CPM: variants seen among roughly 807,000 people sequenced by gnomAD.
The protein encoded by CPM is carboxypeptidase M, also known as renal carboxypeptidase.
A neutral mutation model predicts 46.4 loss-of-function variants in CPM; 35 were observed. That is an observed-to-expected ratio of 0.75 (90% CI 0.58 to 1.00). The LOEUF is 1.00. Among genes scored for constraint, CPM ranks in the 50% least tolerant of loss-of-function variants. The pLI, the probability that CPM is intolerant of heterozygous loss-of-function variation, is 0.00. For synonymous variants in CPM, 195 were observed against 195.3 expected (o/e 1.00, Z 0.01); for missense variants, 422 against 530.4 (o/e 0.80, Z 2.01).
chr12:68,875,569 G>A (rs1475833600), intron 3 of CPM, among the ~76,000 whole-genome samples: 4 of 152,056 alleles, frequency 2.6e-5, no homozygotes, highest in Non-Finnish European at 5.9e-5. Context: ...ACTTTGGAAG[G>A]CTGAGGCAGG....
rs368192642 is a variant in CPM at position 68,942,530 on chromosome 12, ACT to A, written c.-3-9692_-3-9691del. On this transcript the variant is annotated intron_variant, in intron 1 of 8. Transcript: ENST00000546373. Reference sequence around the variant, plus strand: ...AGTAAACCTATTTCTGCTTTGCCCCACTCTCTGATTTTTAATTATTCATTCAT... The same window carrying A: ...AGTAAACCTATTTCTGCTTTGCCCCACTCTGATTTTTAATTATTCATTCAT... Among the ~76,000 whole-genome samples, 13 of 151,800 alleles carry A rather than the reference ACT, an allele frequency of 8.6e-5. No homozygotes were observed. In the East Asian group the frequency reaches 2.5e-3, roughly 29 times the overall value.
intron 2 of CPM, among the ~76,000 whole-genome samples, chr12:68,904,282 G>A (rs148786532): frequency 1.6e-4 from 24 of 152,300 alleles, no homozygotes; most frequent in African/African-American, 5.5e-4. Context: ...AGACACTCTT[G>A]ACTATAACAG....
At chr12:68,880,811 G>GTTATT (rs539655890) in intron 3 of CPM, among the ~76,000 whole-genome samples, 129 of 152,306 alleles carry the variant, frequency 8.5e-4, no homozygotes, top group African/African-American at 3.0e-3. Flanking sequence ...GTTAGCTATT[G>GTTATT]TTATTATTTT....
At chr12:68,873,573 G>C (rs952206560) in intron 3 of CPM, among the ~76,000 whole-genome samples, 1 of 151,546 alleles carries the variant, frequency 6.6e-6, no homozygotes. Flanking sequence ...GCTGAGGTAG[G>C]AGGATCGCTT....
chr12:68,938,798 ATG>A (rs1888711478), intron 1 of CPM, among the ~76,000 whole-genome samples: 2 of 151,340 alleles, frequency 1.3e-5, no homozygotes, highest in South Asian at 4.2e-4. Flanking sequence ...ATGAGAAAAT[ATG>A]TGTGTATACA....
chr12:68,908,406 T>G (rs896686978), intron 2 of CPM, among the ~76,000 whole-genome samples: 9 of 151,852 alleles, frequency 5.9e-5, no homozygotes, highest in Non-Finnish European at 1.2e-4. Context: ...CTTTTTTTTT[T>G]TTTTTCTCAT....
Position 68,867,056 on chromosome 12 carries a change from C to T in CPM, c.788-8G>A. On this transcript the variant is annotated splice_polypyrimidine_tract_variant and splice_region_variant and intron_variant, in intron 6 of 8. Coordinates refer to ENST00000551568, the MANE Select transcript of CPM (RefSeq NM_198320.5). ...TGTAATCTTGCATTCCACCTAAACA[C>T]AAGCATATTTAATTTTTGTTAGGGT... is the stretch of plus-strand genomic sequence containing the variant. The T allele has an allele frequency of 6.2e-7, 1 of 1,613,390 alleles. No homozygotes were observed. The highest frequency in any genetic ancestry group is 2.2e-5 in the East Asian group (1 of 44,868).
chr12:68,850,852 T>C (rs1360824192), downstream of CPM, among the ~76,000 whole-genome samples: 1 of 152,176 alleles, frequency 6.6e-6, no homozygotes, highest in African/African-American at 2.4e-5. Flanking sequence ...ATTACATTAA[T>C]ATAAATTGTG....
rs202087861 is a variant in CPM, at chr12:68,870,345, A to G, written c.486T>C (p.Tyr162=). The change falls in exon 5 of 9, where the codon TAT becomes TAC. Residue 162 remains tyrosine (Y), a synonymous_variant. Coordinates refer to ENST00000551568, the MANE Select transcript of CPM (RefSeq NM_198320.5). The part of the protein sequence containing the change: ...LNRNFPDAFE[Y]NNVSRQPETV... ...TTTCAGGCTGCCTTGAGACATTATTATATTCAAAAGCATCGGGGAAATTTC... is the reference window on the plus strand; with the variant it reads ...TTTCAGGCTGCCTTGAGACATTATTGTATTCAAAAGCATCGGGGAAATTTC... The G allele has an allele frequency of 9.3e-6, 15 of 1,614,178 alleles. No homozygotes were observed. The highest frequency in any genetic ancestry group is 1.3e-5 in the Non-Finnish European group (15 of 1,180,020).
At chr12:68,858,414 A>C (rs1329647251) in intron 8 of CPM, among the ~76,000 whole-genome samples, 3 of 152,298 alleles carry the variant, frequency 2.0e-5, no homozygotes, top group African/African-American at 7.2e-5. Context: ...AAAGACTGAA[A>C]TTTTACTTGC....
Position 68,856,616 on chromosome 12 carries a change from A to T in CPM, c.1153T>A (p.Phe385Ile). The T allele has an allele frequency of 6.2e-7, 1 of 1,614,204 alleles. No individual in the cohort carries two copies. Among genetic ancestry groups the T allele is most frequent in the East Asian group, 2.2e-5 (1 of 44,892 alleles). Reference protein sequence around the residue: ...KVIIPEKSQNFSALKKDILLP... With the variant: ...KVIIPEKSQNISALKKDILLP... ...AGAATATCCTTTTTAAGAGCACTGA[A>T]GTTCTGGGATTTCTCCGGAATAATC... Residue 385 changes from phenylalanine (F) to isoleucine (I), a missense_variant, in exon 9 of 9, where the codon TTC (phenylalanine) becomes ATC (isoleucine). Coordinates refer to ENST00000551568, the MANE Select transcript of CPM (RefSeq NM_198320.5).
At chr12:68,922,287 T>C (rs1262267438) in intron 2 of CPM, among the ~76,000 whole-genome samples, 3 of 152,236 alleles carry the variant, frequency 2.0e-5, no homozygotes, top group Admixed American at 6.5e-5. Context: ...GCGTGTGTAT[T>C]ATGTGGGAAA....
intron 8 of CPM, 79 bp downstream of exon 8, chr12:68,858,844 A>G: frequency 1.1e-6 from 1 of 939,206 alleles, no homozygotes; most frequent in Non-Finnish European, 1.4e-6. Flanking sequence ...TCCTAGACTT[A>G]TTTTGGATTC....
At chr12:68,862,855 TAA>T (rs575145362) in intron 7 of CPM, among the ~76,000 whole-genome samples, 10 of 136,986 alleles carry the variant, frequency 7.3e-5, no homozygotes, top group Admixed American at 2.2e-4. Flanking sequence ...AACACTATAT[TAA>T]AAAAAAAAAA....
At chr12:68,926,651 T>C (rs988963890) in intron 2 of CPM, among the ~76,000 whole-genome samples, 1 of 152,120 alleles carries the variant, frequency 6.6e-6, no homozygotes, top group Non-Finnish European at 1.5e-5. Flanking sequence ...CATGCTGGTG[T>C]GCTGCACCCA....
chr12:68,938,698 T>A (rs929386669), intron 1 of CPM, among the ~76,000 whole-genome samples: 1 of 151,848 alleles, frequency 6.6e-6, no homozygotes, highest in African/African-American at 2.4e-5. Context: ...AGTATTCTCA[T>A]ACAAATATAG....
chr12:68,858,819 A>C, intron 8 of CPM, 104 bp downstream of exon 8: 2 of 612,204 alleles, frequency 3.3e-6, no homozygotes, highest in Non-Finnish European at 4.8e-6. Flanking sequence ...GTCTCGATGG[A>C]TCTACTTTTG....
intron 2 of CPM, among the ~76,000 whole-genome samples, chr12:68,930,273 C>T (rs2047172): frequency 0.25 from 38,441 of 152,092 alleles, 6,977 homozygotes; most frequent in African/African-American, 0.52. Context: ...GTAGAGACAA[C>T]GTTTCACCAT....
intron 3 of CPM, among the ~76,000 whole-genome samples, chr12:68,881,217 T>C (rs1886175105): frequency 6.6e-6 from 1 of 152,198 alleles, no homozygotes; most frequent in Non-Finnish European, 1.5e-5. Context: ...AACAAACCTT[T>C]AGATTTAATT....
Sources: gnomAD v4.1 joint callset for allele counts (sites outside exome capture counted in the v4.1 genomes callset) on GRCh38, gnomAD v4.1.1 for gene constraint, MANE v1.5 for transcripts, NCBI Gene and HGNC (gene_info 2026-07-23, HGNC 2026-07-21) for gene names.